The following CDH23 variants were observed in gnomAD, a reference collection of about 807,000 sequenced individuals.
The protein encoded by CDH23 is cadherin-23.
CDH23 carries 189 observed loss-of-function variants against 317.1 expected under a neutral mutation model. The observed-to-expected ratio is 0.60, with a 90% CI of 0.53 to 0.67. The LOEUF is 0.67. Among genes scored for constraint, CDH23 ranks in the 30% least tolerant of loss-of-function variants. The probability of loss-of-function intolerance (pLI) is 0.00; values close to 1 mark genes in which losing one functional copy is unlikely to be tolerated. For missense variants in CDH23, 4,401 were observed against 4,592.4 expected, an observed-to-expected ratio of 0.96 and a Z score of 1.20; for synonymous variants, 1,839 against 1,876.8, an observed-to-expected ratio of 0.98 and a Z score of 0.52.
Position 71,566,757 on chromosome 10 carries a change from A to T in CDH23, c.445A>T (p.Thr149Ser), listed in dbSNP as rs376285214. Residue 149 changes from threonine (T) to serine (S), a missense_variant, in exon 7 of 70, where the codon ACG becomes TCG. Transcript: ENST00000224721. Reference sequence around the variant, plus strand: ...TCATCCCCAGAATACACCAGTGGGGACGCCCATCTTCATCGTGAATGCCAC... The same window carrying T: ...TCATCCCCAGAATACACCAGTGGGGTCGCCCATCTTCATCGTGAATGCCAC... ...VRIPENTPVG[T>S]PIFIVNATDP... is the part of the protein sequence containing the mutation. 3 of 1,605,678 alleles carry T rather than the reference A, an allele frequency of 1.9e-6. No homozygotes were observed. The highest frequency in any genetic ancestry group is 2.6e-6 in the Non-Finnish European group (3 of 1,174,084).
intron 38 of CDH23, among the ~76,000 whole-genome samples, chr10:71,774,921 C>T (rs1840782682): frequency 6.6e-6 from 1 of 152,104 alleles, no homozygotes; most frequent in African/African-American, 2.4e-5. Context: ...CTCTGGAGGC[C>T]CTTAGCCCTT....
chr10:71,432,595 C>A (rs1849446545), intron 1 of CDH23, among the ~76,000 whole-genome samples: 1 of 152,062 alleles, frequency 6.6e-6, no homozygotes, highest in Admixed American at 6.6e-5. Flanking sequence ...TGGTCCTCAC[C>A]TGGGGAAAGG....
chr10:71,410,941 G>C (rs906128324), intron 1 of CDH23, among the ~76,000 whole-genome samples: 19 of 152,168 alleles, frequency 1.2e-4, no homozygotes, highest in Admixed American at 2.0e-4. Context: ...AAGAACATTT[G>C]TATGTGTGTC....
At chr10:71,662,375 G>C (rs1863712249) in intron 14 of CDH23, among the ~76,000 whole-genome samples, 1 of 152,142 alleles carries the variant, frequency 6.6e-6, no homozygotes, top group South Asian at 2.1e-4. Context: ...GCAGTGACCA[G>C]CCTCCACCCA....
chr10:71,610,416 CA>C (rs1397665751), intron 9 of CDH23, among the ~76,000 whole-genome samples: 1 of 152,152 alleles, frequency 6.6e-6, no homozygotes, highest in Non-Finnish European at 1.5e-5. Context: ...GGGCCAGGTG[CA>C]GAATGTGCAC....
At chr10:71,700,684 G>A (rs958008911) in intron 22 of CDH23, among the ~76,000 whole-genome samples, 1 of 152,170 alleles carries the variant, frequency 6.6e-6, no homozygotes, top group African/African-American at 2.4e-5. Context: ...GAGGAGGGCC[G>A]AGCAGTCCCT....
chr10:71,766,253 T>A (rs1470273870), intron 38 of CDH23, among the ~76,000 whole-genome samples: 1 of 152,062 alleles, frequency 6.6e-6, no homozygotes, highest in African/African-American at 2.4e-5. Flanking sequence ...GGCTCCAGGG[T>A]GGCCAAAAGC....
chr10:71,809,793 C>T (rs759407456), intron 60 of CDH23, 27 bp from the exon 61 acceptor site: 18 of 1,603,362 alleles, frequency 1.1e-5, no homozygotes, highest in East Asian at 2.2e-5. Flanking sequence ...GTCTCTGAGC[C>T]GTACCCCGCC....
rs1455113268 is a variant in CDH23 at position 71,657,605 on chromosome 10, G to T, written c.1449+10988G>T. Among the ~76,000 whole-genome samples the T allele has an allele frequency of 2.6e-5, 4 of 152,314 alleles. No homozygotes were observed. In the South Asian group the frequency reaches 8.3e-4, roughly 32 times the overall value. ...TTAGCAAAACCAAGAGGACAAGCCG[G>T]TCAGAGCAGGGTAGACAGCCCTTGC... On this transcript the variant is annotated intron_variant, in intron 14 of 69. Transcript: ENST00000224721.
intron 31 of CDH23, 98 bp downstream of exon 31, chr10:71,730,702 AG>A: frequency 3.3e-6 from 5 of 1,530,498 alleles, no homozygotes; most frequent in Non-Finnish European, 4.4e-6. Context: ...CTGATGCTTC[AG>A]GCTCCCCATT....
chr10:71,803,062 G>A lies in CDH23; in HGVS notation c.7647G>A (p.Glu2549=), dbSNP rs765181452. The A allele has an allele frequency of 6.2e-6, 10 of 1,610,160 alleles. No individual in the cohort carries two copies. Among genetic ancestry groups the A allele is most frequent in the Non-Finnish European group, 8.5e-6 (10 of 1,176,742 alleles). Residue 2549 remains glutamate (E), a synonymous_variant, in exon 54 of 70, where the codon GAG becomes GAA. Transcript: ENST00000224721. ...ATGGAGAGTTGACCTACTCACTTGA[G>A]GGCCCTGGCGTGGGTATGTGGCCTT... ...GPNGELTYSL[E]GPGVEAFHVD...
rs74749819 is a variant in CDH23 at position 71,535,553 on chromosome 10, G to A, written c.429+24341G>A. Reference sequence around the variant, plus strand: ...CTCAGGGGGTCTGAAGAAGTGGGAAGAAAGCTTCATCCATAGACAGACACC... The same window carrying A: ...CTCAGGGGGTCTGAAGAAGTGGGAAAAAAGCTTCATCCATAGACAGACACC... On this transcript the variant is annotated intron_variant, in intron 6 of 69. Coordinates refer to ENST00000224721, the MANE Select transcript of CDH23 (RefSeq NM_022124.6). 7.2e-3 allele frequency among the ~76,000 whole-genome samples: 1,099 copies of A among 152,372 alleles called. 11 individuals carry two copies. The highest frequency in any genetic ancestry group is 0.025 in the African/African-American group (1,045 of 41,582).
intron 38 of CDH23, among the ~76,000 whole-genome samples, chr10:71,754,337 C>T (rs1840079400): frequency 1.3e-5 from 2 of 152,162 alleles, no homozygotes; most frequent in African/African-American, 2.4e-5. Context: ...TGGGGGCCCC[C>T]GGGAATGAGG....
chr10:71,498,479 G>A (rs1352299712), intron 3 of CDH23, among the ~76,000 whole-genome samples: 1 of 152,240 alleles, frequency 6.6e-6, no homozygotes, highest in Non-Finnish European at 1.5e-5. Context: ...GAAGTGTGCA[G>A]TGTGATAGAT....
intron 11 of CDH23, among the ~76,000 whole-genome samples, chr10:71,625,396 TAAAAAAAAAA>T (rs1156772192): frequency 2.9e-3 from 58 of 19,832 alleles, no homozygotes; most frequent in Non-Finnish European, 5.2e-3. Flanking sequence ...CCAAATAAAT[TAAAAAAAAAA>T]AAAAAAAAAA....
At chr10:71,742,853 A>C (rs1415696423) in intron 38 of CDH23, among the ~76,000 whole-genome samples, 1 of 152,210 alleles carries the variant, frequency 6.6e-6, no homozygotes, top group Non-Finnish European at 1.5e-5. Context: ...GCAGGCTGGC[A>C]ATCTGGACAT....
At chr10:71,601,742 T>C (rs1307720388) in intron 9 of CDH23, among the ~76,000 whole-genome samples, 1 of 152,202 alleles carries the variant, frequency 6.6e-6, no homozygotes, top group African/African-American at 2.4e-5. Flanking sequence ...ACTGGAGCTC[T>C]GTGTGAAATT....
intron 14 of CDH23, among the ~76,000 whole-genome samples, chr10:71,667,844 C>T (rs1435942378): frequency 6.6e-6 from 1 of 152,042 alleles, no homozygotes; most frequent in Non-Finnish European, 1.5e-5. Flanking sequence ...ACCAGAGGGC[C>T]GGGAGCTGGG....
intron 11 of CDH23, among the ~76,000 whole-genome samples, chr10:71,625,421 A>AAAAAAAAAAAAAAAAAAAC (rs778124827): frequency 1.1e-5 from 1 of 92,360 alleles, no homozygotes; most frequent in African/African-American, 4.0e-5. Flanking sequence ...AAAAAAAAAA[A>AAAAAAAAAAAAAAAAAAAC]AAATGACAAG....
Sources: gnomAD v4.1 joint callset for allele counts (sites outside exome capture counted in the v4.1 genomes callset) on GRCh38, gnomAD v4.1.1 for gene constraint, MANE v1.5 for transcripts, NCBI Gene and HGNC (gene_info 2026-07-23, HGNC 2026-07-21) for gene names.